The following FAM3B variants were observed in gnomAD, a reference collection of about 807,000 sequenced individuals.
FAM3B encodes the protein protein FAM3B.
Under a neutral mutation model 28.4 loss-of-function variants are expected in FAM3B, and 29 were observed. The observed-to-expected ratio is 1.02, with a 90% CI of 0.76 to 1.39. The LOEUF (loss-of-function observed/expected upper bound fraction) is 1.39, where lower values mean the gene tolerates loss of function less well. Among genes scored for constraint, FAM3B ranks in the 40% most tolerant of loss-of-function variants. FAM3B has a pLI of 0.00. For synonymous variants in FAM3B, 91 were observed against 103.0 expected (o/e 0.88, Z 0.71); for missense variants, 266 against 293.9 (o/e 0.91, Z 0.69).
chr21:41,351,800 A>C (rs1053043101), intron 7 of FAM3B, among the ~76,000 whole-genome samples: 3 of 152,230 alleles, frequency 2.0e-5, no homozygotes, highest in Non-Finnish European at 4.4e-5. Context: ...TTAAAGTATA[A>C]GGAACTTCAA....
Position 41,357,145 on chromosome 21 carries a change from G to C in FAM3B, c.656G>C (p.Gly219Ala). 1 of 1,613,204 alleles carries C rather than the reference G, an allele frequency of 6.2e-7. No homozygotes were observed. Among genetic ancestry groups the C allele is most frequent in the Admixed American group, 1.7e-5 (1 of 59,874 alleles). Residue 219 changes from glycine to alanine, a missense_variant, in exon 8 of 8, where the codon GGC (glycine) becomes GCC (alanine). Gly to Ala is a moderately conservative substitution (Grantham distance 60). Transcript: ENST00000357985. ...GATGCTAAGAACAACAGATATTCTG[G>C]CTGGCCTGCAGAGATCCAGATAGAA... ...HSDAKNNRYSGWPAEIQIEGC... is the reference protein window; with the variant it reads ...HSDAKNNRYSAWPAEIQIEGC...
chr21:41,340,022 G>A (rs2088990604), intron 3 of FAM3B, among the ~76,000 whole-genome samples: 1 of 152,160 alleles, frequency 6.6e-6, no homozygotes, highest in Non-Finnish European at 1.5e-5. Context: ...GAGATGGGAG[G>A]TCTGCTGGTA....
chr21:41,340,755 A>G (rs889614053), intron 3 of FAM3B, among the ~76,000 whole-genome samples: 2 of 152,184 alleles, frequency 1.3e-5, no homozygotes, highest in Admixed American at 6.5e-5. Flanking sequence ...AGAAATCAAC[A>G]TTATGTTTGA....
At chr21:41,311,209 G>A (rs1242864872) in intron 1 of FAM3B, among the ~76,000 whole-genome samples, 1 of 117,696 alleles carries the variant, frequency 8.5e-6, no homozygotes, top group Non-Finnish European at 1.7e-5. Flanking sequence ...TGAAAGTGAG[G>A]AGCAACATGA....
At position 41,338,442 on chromosome 21, in the gene FAM3B, CAGGTTACTCAGCGGA is replaced by C. The variant is rs746810692; in HGVS notation, c.229_243del (p.Arg77_Gly81del). On this transcript the variant is annotated inframe_deletion, in exon 3 of 8. Transcript: ENST00000357985. Reference sequence around the variant, plus strand: ...CCTGCCCATCTGACACCTATGCCTACAGGTTACTCAGCGGAGGTGGCAGAAGCAAGTACGCCAAAA... The same window carrying C: ...CCTGCCCATCTGACACCTATGCCTACGGTGGCAGAAGCAAGTACGCCAAAA... 3.7e-6 allele frequency: 6 copies of C among 1,614,072 alleles called. No homozygotes were observed. The highest frequency in any genetic ancestry group is 5.1e-6 in the Non-Finnish European group (6 of 1,180,024).
chr21:41,335,014 G>A (rs183136336), intron 2 of FAM3B, among the ~76,000 whole-genome samples: 24 of 152,336 alleles, frequency 1.6e-4, no homozygotes, highest in African/African-American at 3.1e-4. Context: ...TTTTGGACTC[G>A]TGTGGGGCCT....
chr21:41,329,343 C>T (rs1306640362), intron 2 of FAM3B, among the ~76,000 whole-genome samples: 1 of 152,200 alleles, frequency 6.6e-6, no homozygotes, highest in African/African-American at 2.4e-5. Context: ...CCTTGTCCTG[C>T]CTCATCCCAC....
chr21:41,339,878 G>T (rs1328630511), intron 3 of FAM3B, among the ~76,000 whole-genome samples: 2 of 152,072 alleles, frequency 1.3e-5, no homozygotes, highest in African/African-American at 4.8e-5. Flanking sequence ...TGCAATTATG[G>T]AGGCCAAGAG....
At chr21:41,349,665 G>T (rs948604540) in intron 7 of FAM3B, among the ~76,000 whole-genome samples, 2 of 152,190 alleles carry the variant, frequency 1.3e-5, no homozygotes, top group African/African-American at 4.8e-5. Context: ...TTGTTGCCAT[G>T]ACCACCTGAG....
chr21:41,352,494 A>C (rs573586749), intron 7 of FAM3B, among the ~76,000 whole-genome samples: 14 of 152,290 alleles, frequency 9.2e-5, no homozygotes, highest in African/African-American at 3.4e-4. Context: ...TTATCACATT[A>C]GAAAGGAAGA....
chr21:41,327,380 T>C lies in FAM3B; in HGVS notation c.163+4314T>C, dbSNP rs191585423. Among the ~76,000 whole-genome samples, 14 of 152,344 alleles carry C rather than the reference T, an allele frequency of 9.2e-5. 1 individual carries two copies. The East Asian group carries it at 2.7e-3, about 29-fold the overall frequency. On this transcript the variant is annotated intron_variant, in intron 2 of 7. Transcript: ENST00000357985. ...GTGCTTCCTGTATTGCTTTTGAGGC[T>C]TATTGACCAGAACGTGTGACTTGCA...
intron 1 of FAM3B, among the ~76,000 whole-genome samples, chr21:41,307,265 T>C (rs1399376053): frequency 6.6e-6 from 1 of 152,230 alleles, no homozygotes; most frequent in Non-Finnish European, 1.5e-5. Flanking sequence ...GCTCCCAACT[T>C]TTCTTCTGCA....
chr21:41,332,054 A>G (rs2088910984), intron 2 of FAM3B, among the ~76,000 whole-genome samples: 1 of 152,188 alleles, frequency 6.6e-6, no homozygotes, highest in Non-Finnish European at 1.5e-5. Flanking sequence ...AGGTATTTGG[A>G]TGATGAGGGT....
chr21:41,322,599 G>A, intron 1 of FAM3B: 1 of 717,388 alleles, frequency 1.4e-6, no homozygotes, highest in Admixed American at 2.0e-5. Context: ...TTCACGTTGG[G>A]CATGCTGGCT....
At chr21:41,337,149 A>T (rs1446226033) in intron 2 of FAM3B, among the ~76,000 whole-genome samples, 1 of 152,134 alleles carries the variant, frequency 6.6e-6, no homozygotes, top group Non-Finnish European at 1.5e-5. Flanking sequence ...CATTTTGCTG[A>T]CTATACTTCT....
At chr21:41,308,418 CCAAA>C (rs2088692705) in intron 1 of FAM3B, among the ~76,000 whole-genome samples, 1 of 152,188 alleles carries the variant, frequency 6.6e-6, no homozygotes, top group South Asian at 2.1e-4. Flanking sequence ...TGCTCTTCCT[CCAAA>C]CAATCTGTGC....
At chr21:41,312,835 C>T (rs1257594267), upstream of FAM3B, among the ~76,000 whole-genome samples, 1 of 152,108 alleles carries the variant, frequency 6.6e-6, no homozygotes, top group Admixed American at 6.6e-5. Flanking sequence ...GTGCCAGCCT[C>T]TCAGGAGCTG....
chr21:41,334,344 G>T (rs1012914898), intron 2 of FAM3B, among the ~76,000 whole-genome samples: 31 of 152,158 alleles, frequency 2.0e-4, no homozygotes, highest in African/African-American at 1.9e-4. Flanking sequence ...TGCCCCTCTT[G>T]TCACACAGGC....
intron 3 of FAM3B, among the ~76,000 whole-genome samples, chr21:41,342,813 T>A (rs1555871929): frequency 6.6e-6 from 1 of 152,246 alleles, no homozygotes; most frequent in Non-Finnish European, 1.5e-5. Context: ...TCTGTCACTA[T>A]TATCTACTGT....
Sources: allele counts gnomAD v4.1 joint callset (sites outside exome capture counted in the v4.1 genomes callset), GRCh38; gene constraint gnomAD v4.1.1; transcripts MANE v1.5; gene names NCBI Gene and HGNC (gene_info 2026-07-23, HGNC 2026-07-21).